The following CPAMD8 variants were observed in gnomAD, a reference collection of about 807,000 sequenced individuals.
CPAMD8 encodes the protein C3 and PZP-like alpha-2-macroglobulin domain-containing protein 8.
In CPAMD8, 146 loss-of-function variants were observed where a neutral mutation model predicts 224.7. The ratio of observed to expected loss-of-function variants is 0.65; its 90% CI spans 0.57 to 0.75. The LOEUF (loss-of-function observed/expected upper bound fraction) is 0.75. Ranked by LOEUF, CPAMD8 falls within the 30% of genes least tolerant of loss-of-function variation. The pLI, the probability that CPAMD8 is intolerant of heterozygous loss-of-function variation, is 0.00. For synonymous variants in CPAMD8, 966 were observed against 1,044.6 expected, an observed-to-expected ratio of 0.92 and a Z score of 1.45; for missense variants, 2,301 against 2,537.5, an observed-to-expected ratio of 0.91 and a Z score of 2.00.
At chr19:16,993,610 AAC>A in intron 11 of CPAMD8, 24 bp from the exon 12 acceptor site, 1 of 1,611,312 alleles carries the variant, frequency 6.2e-7, no homozygotes. Flanking sequence ...CCCAAGACAC[AAC>A]AGAGTTAAGA....
chr19:16,909,846 C>A (rs976061882), intron 29 of CPAMD8, among the ~76,000 whole-genome samples: 2 of 152,092 alleles, frequency 1.3e-5, no homozygotes, highest in African/African-American at 4.8e-5. Context: ...CACTGCTGAT[C>A]GGCACGGGAG....
At chr19:16,924,757 T>A (rs569423502) in intron 26 of CPAMD8, among the ~76,000 whole-genome samples, 96 of 152,220 alleles carry the variant, frequency 6.3e-4, no homozygotes, top group Non-Finnish European at 1.2e-3. Flanking sequence ...ACATTTTTTT[T>A]ATTTTTTGTA....
In CPAMD8 at chr19:17,000,601, A is replaced by G. The variant is rs4808064; in HGVS notation, c.759-79T>C. 554,862 of 707,502 alleles carry G rather than the reference A, an allele frequency of 0.78. 219,347 individuals are homozygous for G. The highest frequency in any genetic ancestry group is 0.82 in the Non-Finnish European group (313,398 of 384,214). The allele number at this position is 707,502 out of a possible 1,614,324, so 43.8% of individuals were successfully genotyped here. ...GCCCAGCCTCAGGAAGGCCAGGTTG[A>G]CATAGTGTGGCCACTAGTACAGTGA... On this transcript the variant is annotated intron_variant, in intron 9 of 41. Transcript: ENST00000443236.
intron 39 of CPAMD8, 147 bp downstream of exon 39, chr19:16,897,544 G>T (rs2052068999): frequency 1.8e-6 from 1 of 566,318 alleles, no homozygotes; most frequent in Non-Finnish European, 3.1e-6. Flanking sequence ...CAGGCAGAGC[G>T]CCCGCCCACC....
chr19:16,939,675 T>C (rs948220246), intron 22 of CPAMD8, among the ~76,000 whole-genome samples: 2 of 152,110 alleles, frequency 1.3e-5, no homozygotes, highest in African/African-American at 4.8e-5. Flanking sequence ...GTGGGCACCA[T>C]CCAAGCTGTT....
chr19:16,916,922 C>T (rs2052983558), intron 27 of CPAMD8, among the ~76,000 whole-genome samples: 2 of 152,114 alleles, frequency 1.3e-5, no homozygotes, highest in Admixed American at 6.6e-5. Context: ...CAGCTATGCA[C>T]ACTGCAACCA....
chr19:16,906,935 G>A lies in CPAMD8; in HGVS notation c.4027+17C>T. The A allele has an allele frequency of 6.4e-7, 1 of 1,570,676 alleles. No individual in the cohort carries two copies. The highest frequency in any genetic ancestry group is 8.6e-7 in the Non-Finnish European group (1 of 1,157,844). On this transcript the variant is annotated intron_variant, in intron 30 of 41. Coordinates refer to ENST00000443236, the MANE Select transcript of CPAMD8 (RefSeq NM_015692.5). ...TTCCCGACGCTGTGGCCTCTGGGGA[G>A]GGCCAGGGACACCTACCTCGCATGA...
intron 13 of CPAMD8, among the ~76,000 whole-genome samples, chr19:16,986,314 G>A (rs536509638): frequency 5.3e-5 from 8 of 152,226 alleles, no homozygotes; most frequent in South Asian, 4.1e-4. Context: ...GGTAGGACGC[G>A]CTGGGGTTTC....
intron 35 of CPAMD8, among the ~76,000 whole-genome samples, chr19:16,902,178 C>T (rs1448944181): frequency 1.3e-5 from 2 of 151,818 alleles, no homozygotes; most frequent in South Asian, 2.1e-4. Flanking sequence ...CCACCCGCCC[C>T]GACCATACTG....
chr19:16,906,411 C>CTCT (rs2052517592), intron 30 of CPAMD8, among the ~76,000 whole-genome samples: 3 of 64,380 alleles, frequency 4.7e-5, no homozygotes, highest in African/African-American at 2.0e-4. Flanking sequence ...TCTTTCTTTC[C>CTCT]TTCCTTCCTT....
At chr19:16,978,939 C>A in intron 14 of CPAMD8, among the ~76,000 whole-genome samples, 1 of 151,822 alleles carries the variant, frequency 6.6e-6, no homozygotes, top group Non-Finnish European at 1.5e-5. Context: ...ACCCACCATC[C>A]ATCCATTTAT....
At chr19:16,896,432 C>G (rs2051993280) in intron 40 of CPAMD8, 24 bp downstream of exon 40, 1 of 1,469,320 alleles carries the variant, frequency 6.8e-7, no homozygotes, top group Admixed American at 2.4e-5. Context: ...GTCCCCGAGG[C>G]TAGGCGGGGG....
chr19:16,920,373 G>A (rs1477460432), intron 27 of CPAMD8, among the ~76,000 whole-genome samples: 3 of 152,140 alleles, frequency 2.0e-5, no homozygotes, highest in East Asian at 1.9e-4. Context: ...CCAGCTACTC[G>A]GGAGGCTGAG....
At chr19:16,944,796 G>C (rs1489656809) in intron 22 of CPAMD8, among the ~76,000 whole-genome samples, 1 of 152,176 alleles carries the variant, frequency 6.6e-6, no homozygotes, top group African/African-American at 2.4e-5. Flanking sequence ...AGCCACTTGT[G>C]TTCAGGGCCA....
chr19:16,918,051 A>G (rs1027930569), intron 27 of CPAMD8, among the ~76,000 whole-genome samples: 9 of 152,296 alleles, frequency 5.9e-5, no homozygotes, highest in African/African-American at 1.9e-4. Context: ...GCTGGAGTGC[A>G]GTGGCACAAT....
intron 18 of CPAMD8, among the ~76,000 whole-genome samples, chr19:16,964,224 C>G (rs765935245): frequency 1.1e-4 from 16 of 151,984 alleles, no homozygotes; most frequent in African/African-American, 3.9e-4. Context: ...ACACAAAAAC[C>G]CTTCAAAAAA....
chr19:16,952,235 T>TGGAGAAGGGC, intron 19 of CPAMD8, 35 bp from the exon 20 acceptor site: 1 of 1,213,066 alleles, frequency 8.2e-7, no homozygotes, highest in Non-Finnish European at 1.2e-6. Context: ...TGGGGGGCCC[T>TGGAGAAGGGC]TCTCCAGGGC....
intron 1 of CPAMD8, among the ~76,000 whole-genome samples, chr19:17,023,997 A>T (rs190175266): frequency 6.6e-6 from 1 of 152,354 alleles, no homozygotes; most frequent in East Asian, 1.9e-4. Flanking sequence ...TAAATTGAAG[A>T]AGTAAAACTT....
intron 5 of CPAMD8, among the ~76,000 whole-genome samples, chr19:17,009,919 C>A (rs1204312248): frequency 6.6e-6 from 1 of 152,126 alleles, no homozygotes; most frequent in Non-Finnish European, 1.5e-5. Flanking sequence ...TTCTGTGGAT[C>A]CTGCCCGAGA....
Sources: allele counts gnomAD v4.1 joint callset (sites outside exome capture counted in the v4.1 genomes callset), GRCh38; gene constraint gnomAD v4.1.1; transcripts MANE v1.5; gene names NCBI Gene and HGNC (gene_info 2026-07-23, HGNC 2026-07-21).